RAD51AP1: variants seen among roughly 807,000 people sequenced by gnomAD.
RAD51AP1 encodes RAD51-associated protein 1.
A neutral mutation model predicts 34.3 loss-of-function variants in RAD51AP1; 14 were observed. The observed-to-expected ratio is 0.41, with a 90% CI of 0.27 to 0.64. The LOEUF is 0.64. RAD51AP1 is among the 30% of genes least tolerant of loss of function. The pLI, the probability that RAD51AP1 is intolerant of heterozygous loss-of-function variation, is 0.33. For synonymous variants in RAD51AP1, 114 were observed against 129.8 expected (o/e 0.88, Z 0.83); for missense variants, 348 against 386.9 (o/e 0.90, Z 0.84).
rs569569376 is a variant in RAD51AP1, at chr12:4,545,916, A to C, written c.210-393A>C. 512 of 1,496,060 alleles carry C rather than the reference A, an allele frequency of 3.4e-4. 2 individuals are homozygous for C. Among genetic ancestry groups the C allele is most frequent in the Admixed American group, 7.5e-4 (41 of 54,888 alleles). The allele number at this position is 1,496,060 out of a possible 1,614,324, so 92.7% of individuals were successfully genotyped here. A position where few individuals can be genotyped will look rare whatever the true frequency, so the allele number is the denominator to read the frequency against. On this transcript the variant is annotated intron_variant, in intron 3 of 8. Transcript: ENST00000352618. The stretch of plus-strand genomic sequence containing the variant: ...ATGATAATAATTTTAATTTAATGTA[A>C]GAGCTATAAAATCTGCTAAAGGGGA...
At position 4,546,201 on chromosome 12, in the gene RAD51AP1, T is replaced by C. The variant is rs1232122546; in HGVS notation, c.210-108T>C. On this transcript the variant is annotated intron_variant, in intron 3 of 8. Coordinates refer to ENST00000352618, the MANE Select transcript of RAD51AP1 (RefSeq NM_006479.5). ...AATGATGATTGTTTAAAAACATTTT[T>C]GCGAAGTTAGCAACTCTTGAATAGT... 5.3e-6 allele frequency: 4 copies of C among 754,608 alleles called. No homozygotes were observed. The South Asian group carries it at 7.3e-5, about 14-fold the overall frequency. 46.7% of individuals were successfully genotyped at this position (754,608 alleles called of 1,614,324 possible).
intron 8 of RAD51AP1, among the ~76,000 whole-genome samples, chr12:4,558,498 G>A (rs986539599): frequency 1.3e-5 from 2 of 152,134 alleles, no homozygotes; most frequent in African/African-American, 2.4e-5. Context: ...AGGACTACTT[G>A]TAAAAATTGC....
intron 1 of RAD51AP1, among the ~76,000 whole-genome samples, chr12:4,539,952 T>C (rs1408489085): frequency 6.6e-6 from 1 of 152,168 alleles, no homozygotes; most frequent in African/African-American, 2.4e-5. Flanking sequence ...GAATAAATGA[T>C]GGATAGGGTG....
chr12:4,539,068 T>TG (rs1944430800), intron 1 of RAD51AP1, 112 bp downstream of exon 1: 1 of 1,214,438 alleles, frequency 8.2e-7, no homozygotes, highest in Admixed American at 2.0e-5. Context: ...GGGGTTAGGA[T>TG]GGACGGTTAT....
rs1459948764 is a variant in RAD51AP1, at chr12:4,548,714, A to G, written c.434A>G (p.Asp145Gly). The change falls in exon 6 of 9, where the codon GAT becomes GGT. Residue 145 changes from aspartate to glycine, a missense_variant. Asp to Gly is a moderately conservative substitution (Grantham distance 94, BLOSUM62 -1). Coordinates refer to ENST00000352618, the MANE Select transcript of RAD51AP1 (RefSeq NM_006479.5). ...LDLDKITVED[D>G]VGGVQGKRKA... ...TTGGATAAGATTACTGTGGAAGATG[A>G]TGTTGGTGGTGTTCAAGGGAAAAGA... The G allele has an allele frequency of 4.3e-6, 7 of 1,613,868 alleles. No individual in the cohort carries two copies. Among genetic ancestry groups the G allele is most frequent in the Admixed American group, 1.7e-5 (1 of 59,938 alleles).
chr12:4,545,938 G>A, intron 3 of RAD51AP1: 1 of 1,332,994 alleles, frequency 7.5e-7, no homozygotes, highest in East Asian at 2.3e-5. Context: ...TCTGCTAAAG[G>A]GGAGTGGGTG....
chr12:4,546,295 T>C lies in RAD51AP1; in HGVS notation c.210-14T>C. On this transcript the variant is annotated splice_polypyrimidine_tract_variant and intron_variant, in intron 3 of 8. Coordinates refer to ENST00000352618, the MANE Select transcript of RAD51AP1 (RefSeq NM_006479.5). The stretch of plus-strand genomic sequence containing the variant: ...ATTTTGAAGAACTCATTATTACTTG[T>C]GTATCTATTTTAGGATGGCTTTAGA... 1 of 1,527,158 alleles carries C rather than the reference T, an allele frequency of 6.5e-7. No homozygotes were observed. The highest frequency in any genetic ancestry group is 1.2e-5 in the South Asian group (1 of 85,696). 94.6% of individuals were successfully genotyped at this position (1,527,158 alleles called of 1,614,324 possible).
intron 6 of RAD51AP1, among the ~76,000 whole-genome samples, chr12:4,549,262 TTC>T (rs1407644916): frequency 6.6e-6 from 1 of 152,208 alleles, no homozygotes; most frequent in African/African-American, 2.4e-5. Context: ...CCATGAATTA[TTC>T]TGAGGCAGAA....
At chr12:4,548,260 G>A (rs1944521285) in intron 5 of RAD51AP1, 82 bp downstream of exon 5, 2 of 1,538,522 alleles carry the variant, frequency 1.3e-6, no homozygotes, top group South Asian at 2.5e-5. Context: ...ATTGTGGCTA[G>A]AAGCAAGTTC....
chr12:4,542,798 T>G (rs2137245239), intron 2 of RAD51AP1, among the ~76,000 whole-genome samples: 1 of 152,314 alleles, frequency 6.6e-6, no homozygotes, highest in Non-Finnish European at 1.5e-5. Context: ...TAGTTTTACG[T>G]TGACAGTCAA....
chr12:4,552,061 A>G (rs1174731653), intron 6 of RAD51AP1, among the ~76,000 whole-genome samples: 3 of 152,096 alleles, frequency 2.0e-5, no homozygotes, highest in Non-Finnish European at 4.4e-5. Context: ...AAAGTTTTGT[A>G]TGGTCTGTAT....
At chr12:4,548,067 T>A in intron 4 of RAD51AP1, 25 bp from the exon 5 acceptor site, 7 of 1,568,226 alleles carry the variant, frequency 4.5e-6, no homozygotes, top group Non-Finnish European at 6.0e-6. Flanking sequence ...ATATCTGAAT[T>A]TTCTTTCTTA....
intron 3 of RAD51AP1, among the ~76,000 whole-genome samples, chr12:4,545,490 G>T (rs1944499495): frequency 6.6e-6 from 1 of 152,168 alleles, no homozygotes; most frequent in Admixed American, 6.5e-5. Flanking sequence ...AGTGTTGGTG[G>T]TTTTACAGCT....
chr12:4,549,110 G>C (rs1287340655), intron 6 of RAD51AP1, among the ~76,000 whole-genome samples: 1 of 152,228 alleles, frequency 6.6e-6, no homozygotes, highest in African/African-American at 2.4e-5. Context: ...CTGTGGAATA[G>C]ACAAATGCTC....
intron 2 of RAD51AP1, 122 bp downstream of exon 2, chr12:4,542,055 A>C (rs1370120656): frequency 2.1e-6 from 1 of 479,944 alleles, no homozygotes; most frequent in South Asian, 5.5e-5. Flanking sequence ...AGGTCTGGAA[A>C]GATAGTTTTC....
At chr12:4,557,057 T>C (rs999864420) in intron 8 of RAD51AP1, among the ~76,000 whole-genome samples, 1 of 152,228 alleles carries the variant, frequency 6.6e-6, no homozygotes, top group Non-Finnish European at 1.5e-5. Flanking sequence ...CTTCTTGACA[T>C]TACTAAAACC....
rs1348525447 is a variant in RAD51AP1 at position 4,559,911 on chromosome 12, T to A, written c.*918T>A. ...AGAATTTCAACTAGCTTCTGATCAA[T>A]TTTTAATAAAAAATTTTCAAATCAT... On this transcript the variant is annotated 3_prime_UTR_variant, in exon 9 of 9. Coordinates refer to ENST00000352618, the MANE Select transcript of RAD51AP1 (RefSeq NM_006479.5). 1 of 152,196 alleles carries A rather than the reference T, an allele frequency of 6.6e-6. No individual in the cohort carries two copies. Among genetic ancestry groups the A allele is most frequent in the Non-Finnish European group, 1.5e-5 (1 of 68,008 alleles). 9.4% of individuals were successfully genotyped at this position (152,196 alleles called of 1,614,324 possible).
intron 4 of RAD51AP1, among the ~76,000 whole-genome samples, chr12:4,547,257 T>C (rs57829228): frequency 0.037 from 5,548 of 151,824 alleles, 332 homozygotes; most frequent in African/African-American, 0.13. Context: ...TAGAGAGGGG[T>C]CTCACTATGT....
Position 4,543,833 on chromosome 12 carries a change from T to C in RAD51AP1, c.138T>C (p.Asp46=). Residue 46 remains aspartate (D), a synonymous_variant, in exon 3 of 9, where the codon GAT becomes GAC. Coordinates refer to ENST00000352618, the MANE Select transcript of RAD51AP1 (RefSeq NM_006479.5). Reference sequence around the variant, plus strand: ...CAGCACCAAAGGAGTTAAAACAAGATAAACCAAAACCTAACTTGAACAATC... The same window carrying C: ...CAGCACCAAAGGAGTTAAAACAAGACAAACCAAAACCTAACTTGAACAATC... ...SRTAPKELKQ[D]KPKPNLNNLR... is the part of the protein sequence containing the mutation. 6.2e-7 allele frequency: 1 copy of C among 1,612,644 alleles called. No individual in the cohort carries two copies. Among genetic ancestry groups the C allele is most frequent in the East Asian group, 2.2e-5 (1 of 44,734 alleles).
Sources: gnomAD v4.1 joint callset for allele counts (sites outside exome capture counted in the v4.1 genomes callset) on GRCh38, gnomAD v4.1.1 for gene constraint, MANE v1.5 for transcripts, NCBI Gene and HGNC (gene_info 2026-07-23, HGNC 2026-07-21) for gene names.